TFB1M: variants seen among roughly 807,000 people sequenced by gnomAD.
TFB1M encodes the protein dimethyladenosine transferase 1, mitochondrial.
TFB1M carries 27 observed loss-of-function variants against 31.1 expected under a neutral mutation model. That is an observed-to-expected ratio of 0.87 (90% CI 0.64 to 1.20). TFB1M has a LOEUF of 1.20. Ranked by LOEUF, TFB1M falls within the 50% of genes most tolerant of loss-of-function variation. The pLI is 0.00. For missense variants in TFB1M, 394 were observed against 418.7 expected (o/e 0.94, Z 0.51); for synonymous variants, 166 against 151.8 (o/e 1.09, Z -0.69).
At chr6:155,280,459 G>A (rs1450564647) in intron 5 of TFB1M, among the ~76,000 whole-genome samples, 1 of 152,176 alleles carries the variant, frequency 6.6e-6, no homozygotes, top group South Asian at 2.1e-4. Flanking sequence ...TCCTCCCGCC[G>A]TGGTTCTAGG....
chr6:155,266,063 C>A (rs2019152), intron 5 of TFB1M, among the ~76,000 whole-genome samples: 79,003 of 151,738 alleles, frequency 0.52, 21,539 homozygotes, highest in East Asian at 0.98. Context: ...GAGGGCGGGT[C>A]TACCTTCCCC....
the TFB1M span, chr6:155,251,030 T>A: frequency 6.2e-7 from 1 of 1,611,548 alleles, no homozygotes; most frequent in South Asian, 1.1e-5. Context: ...TGGTTAGTAT[T>A]CCATTCAGAA....
chr6:155,269,878 AT>A (rs1483437034), intron 5 of TFB1M, among the ~76,000 whole-genome samples: 1 of 152,228 alleles, frequency 6.6e-6, no homozygotes, highest in Non-Finnish European at 1.5e-5. Flanking sequence ...GAATTCATTC[AT>A]TGGGCAAATA....
chr6:155,272,449 AC>A (rs576068716), intron 5 of TFB1M, among the ~76,000 whole-genome samples: 2 of 151,872 alleles, frequency 1.3e-5, no homozygotes, highest in Non-Finnish European at 2.9e-5. Context: ...GAGAGTTTTC[AC>A]TGTAGACCAT....
In TFB1M at chr6:155,257,003, CTGAAAATGCCACCATCGACCTAA is replaced by C. The variant is rs1292120391; in HGVS notation, c.*810_*832del. ...CGTCACCAGTCCCTTGACAGTCAGT[CTGAAAATGCCACCATCGACCTAA>C]ATTCTGTTCTAGAGCGAGAATTCAG... On this transcript the variant is annotated 3_prime_UTR_variant, in exon 7 of 7. Coordinates refer to ENST00000367166, the MANE Select transcript of TFB1M (RefSeq NM_016020.4). 2.5e-6 allele frequency: 4 copies of C among 1,614,060 alleles called. No homozygotes were observed. Among genetic ancestry groups the C allele is most frequent in the Non-Finnish European group, 3.4e-6 (4 of 1,180,052 alleles).
At chr6:155,252,804 T>G, downstream of TFB1M, 1 of 660,528 alleles carries the variant, frequency 1.5e-6, no homozygotes. Flanking sequence ...GGTGCGTAGC[T>G]GATTGACTTC....
intron 5 of TFB1M, among the ~76,000 whole-genome samples, chr6:155,267,301 G>A (rs1784699676): frequency 6.6e-6 from 1 of 152,186 alleles, no homozygotes; most frequent in African/African-American, 2.4e-5. Flanking sequence ...CTTGATGAAA[G>A]GGTCAGCTGA....
chr6:155,260,527 ACG>A (rs1784343584), intron 5 of TFB1M, 127 bp from the exon 6 acceptor site: 27 of 1,249,808 alleles, frequency 2.2e-5, no homozygotes, highest in Non-Finnish European at 2.6e-5. Context: ...AGACCTTTCC[ACG>A]TACTTCGGTT....
rs746293651 is a variant in TFB1M, at chr6:155,291,110, C to T, written c.547-5833G>A. 7.0e-4 allele frequency among the ~76,000 whole-genome samples: 106 copies of T among 152,106 alleles called. 1 individual carries two copies. Among genetic ancestry groups the T allele is most frequent in the Non-Finnish European group, 1.6e-4 (11 of 68,024 alleles). On this transcript the variant is annotated intron_variant, in intron 4 of 6. Transcript: ENST00000367166. ...CCCTCTGATTTATTTTATAGCTGGT[C>T]GCTCAGAACTCCTAGAGGCCCAGAT...
At chr6:155,261,856 G>T (rs2114668349) in intron 5 of TFB1M, among the ~76,000 whole-genome samples, 1 of 152,304 alleles carries the variant, frequency 6.6e-6, no homozygotes, top group South Asian at 2.1e-4. Context: ...ACATCCATCA[G>T]CCTTCTTGTG....
In TFB1M at chr6:155,298,602, T is replaced by C. The variant is rs762843908; in HGVS notation, c.286-17A>G. 1.3e-6 allele frequency: 2 copies of C among 1,526,068 alleles called. No homozygotes were observed. Among genetic ancestry groups the C allele is most frequent in the Non-Finnish European group, 1.8e-6 (2 of 1,100,322 alleles). 94.5% of individuals were successfully genotyped at this position (1,526,068 alleles called of 1,614,324 possible). ...AGAAAGCATCTAGTTTATAAAAAGA[T>C]CAGTAAAATGAGCTCATATACTTAT... On this transcript the variant is annotated splice_polypyrimidine_tract_variant and intron_variant, in intron 2 of 6. Coordinates refer to ENST00000367166, the MANE Select transcript of TFB1M (RefSeq NM_016020.4).
At chr6:155,253,832 A>G (rs530977644), downstream of TFB1M, 13 of 617,866 alleles carry the variant, frequency 2.1e-5, 1 homozygote, top group South Asian at 2.7e-4. Flanking sequence ...AATCATACAT[A>G]GAACAAGCCA....
At chr6:155,251,906 C>G (rs1449063038), downstream of TFB1M, 1 of 1,519,576 alleles carries the variant, frequency 6.6e-7, no homozygotes. Context: ...GAAGAGTTTG[C>G]ATAAAATAAA....
At chr6:155,237,268 C>A in the TFB1M span, among the ~76,000 whole-genome samples, 1 of 152,244 alleles carries the variant, frequency 6.6e-6, no homozygotes, top group African/African-American at 2.4e-5. Context: ...GTCTCACATC[C>A]AGGTCACACT....
intron 4 of TFB1M, among the ~76,000 whole-genome samples, chr6:155,290,388 CA>C (rs1189869721): frequency 6.3e-4 from 68 of 107,558 alleles, no homozygotes; most frequent in South Asian, 3.9e-3. Context: ...GACTCGGCCT[CA>C]AAAAAAAAAA....
chr6:155,248,111 AC>A, the TFB1M span: 1 of 1,614,124 alleles, frequency 6.2e-7, no homozygotes, highest in Non-Finnish European at 8.5e-7. Flanking sequence ...GTGCTCAAGT[AC>A]CCGCTGCTGC....
chr6:155,314,482 T>A lies in TFB1M; in HGVS notation c.-54A>T. 6.2e-7 allele frequency: 1 copy of A among 1,612,782 alleles called. No homozygotes were observed. The highest frequency in any genetic ancestry group is 8.5e-7 in the Non-Finnish European group (1 of 1,179,656). ...CCTCACCCAGGACCTTCACCGCCGC[T>A]CCGAAAGAAACGCGCAGGGGAGGAA... On this transcript the variant is annotated 5_prime_UTR_variant, in exon 1 of 7. Coordinates refer to ENST00000367166, the MANE Select transcript of TFB1M (RefSeq NM_016020.4).
chr6:155,253,032 G>A, downstream of TFB1M: 6 of 1,614,146 alleles, frequency 3.7e-6, no homozygotes, highest in Non-Finnish European at 5.1e-6. Flanking sequence ...CGCGCTTCAA[G>A]TCAGACTGGG....
downstream of TFB1M, among the ~76,000 whole-genome samples, chr6:155,252,747 A>G (rs542036067): frequency 1.3e-5 from 2 of 152,338 alleles, no homozygotes; most frequent in African/African-American, 4.8e-5. Flanking sequence ...TCTGAACCAC[A>G]ACTCTGCCTC....
Sources: allele counts gnomAD v4.1 joint callset (sites outside exome capture counted in the v4.1 genomes callset), GRCh38; gene constraint gnomAD v4.1.1; transcripts MANE v1.5; gene names NCBI Gene and HGNC (gene_info 2026-07-23, HGNC 2026-07-21).